FBXO16: variants seen among roughly 807,000 people sequenced by gnomAD.
FBXO16 encodes the protein F-box protein 16.
In FBXO16, 31 loss-of-function variants were observed where a neutral mutation model predicts 41.0. The observed-to-expected ratio is 0.76, with a 90% CI of 0.57 to 1.02. The LOEUF (loss-of-function observed/expected upper bound fraction) is 1.02, where lower values mean the gene tolerates loss of function less well. Ranked by LOEUF, FBXO16 falls within the 50% of genes least tolerant of loss-of-function variation. The pLI is 0.00. For synonymous variants in FBXO16, 133 were observed against 117.8 expected (o/e 1.13, Z -0.84); for missense variants, 361 against 346.2 (o/e 1.04, Z -0.34).
At chr8:28,488,545 C>T (rs1803639728) in intron 1 of FBXO16, among the ~76,000 whole-genome samples, 1 of 151,744 alleles carries the variant, frequency 6.6e-6, no homozygotes, top group Middle Eastern at 3.4e-3. Context: ...CTCAAGCAAT[C>T]CACCACCTCA....
chr8:28,485,972 G>A (rs931067790), intron 1 of FBXO16, among the ~76,000 whole-genome samples: 7 of 151,860 alleles, frequency 4.6e-5, no homozygotes, highest in African/African-American at 1.7e-4. Flanking sequence ...TCTGGGCATG[G>A]TGGCCCACCT....
At chr8:28,449,953 C>G (rs1367543031) in intron 6 of FBXO16, among the ~76,000 whole-genome samples, 1 of 122,972 alleles carries the variant, frequency 8.1e-6, no homozygotes, top group Non-Finnish European at 1.6e-5. Context: ...GCCTGGGTGA[C>G]AGAGCAAGAC....
intron 6 of FBXO16, among the ~76,000 whole-genome samples, chr8:28,448,647 G>A (rs1802904510): frequency 6.6e-6 from 1 of 152,172 alleles, no homozygotes; most frequent in South Asian, 2.1e-4. Flanking sequence ...ATATATCTGA[G>A]AGATAAAAAC....
intron 6 of FBXO16, among the ~76,000 whole-genome samples, chr8:28,451,847 C>A (rs956530691): frequency 1.3e-5 from 2 of 151,786 alleles, no homozygotes; most frequent in Non-Finnish European, 2.9e-5. Context: ...AGCTGGGCAT[C>A]GTGGCGGTCG....
chr8:28,469,405 C>T (rs2130172081), intron 3 of FBXO16, among the ~76,000 whole-genome samples: 1 of 152,212 alleles, frequency 6.6e-6, no homozygotes, highest in South Asian at 2.1e-4. Flanking sequence ...GATCATCGTG[C>T]ACTACAGCTT....
intron 2 of FBXO16, among the ~76,000 whole-genome samples, chr8:28,476,290 TTACCAGAAG>T (rs1194706364): frequency 6.6e-6 from 1 of 152,168 alleles, no homozygotes; most frequent in African/African-American, 2.4e-5. Context: ...GTCCAGCTCT[TTACCAGAAG>T]GCATCTAGAC....
intron 4 of FBXO16, among the ~76,000 whole-genome samples, chr8:28,459,623 AAATAATAATAATAATAATAATAAT>A (rs57120891): frequency 7.3e-6 from 1 of 137,884 alleles, no homozygotes; most frequent in East Asian, 2.1e-4. Context: ...CCTGTCTCAA[AAATAATAATAATAATAATAATAAT>A]AATAATAATA....
chr8:28,481,061 C>T (rs1158900927), intron 2 of FBXO16, among the ~76,000 whole-genome samples: 3 of 151,742 alleles, frequency 2.0e-5, no homozygotes, highest in East Asian at 1.9e-4. Context: ...TCGGGGGCCC[C>T]GAGCCGGGCC....
chr8:28,450,588 T>C (rs1220990584), intron 6 of FBXO16, among the ~76,000 whole-genome samples: 1 of 152,198 alleles, frequency 6.6e-6, no homozygotes, highest in East Asian at 1.9e-4. Context: ...CACTATCTCT[T>C]GATTTTTCTG....
intron 7 of FBXO16, among the ~76,000 whole-genome samples, chr8:28,446,367 T>C (rs1245116876): frequency 6.6e-6 from 1 of 151,112 alleles, no homozygotes; most frequent in Non-Finnish European, 1.5e-5. Context: ...GAGACAGGGT[T>C]CCGCCATGCT....
chr8:28,484,745 T>C (rs1437490931), intron 1 of FBXO16, among the ~76,000 whole-genome samples: 2 of 151,750 alleles, frequency 1.3e-5, no homozygotes, highest in Non-Finnish European at 2.9e-5. Context: ...GCGCCCGCCA[T>C]CACGCCCAGC....
At chr8:28,486,981 C>G (rs1803612923) in intron 1 of FBXO16, among the ~76,000 whole-genome samples, 1 of 152,082 alleles carries the variant, frequency 6.6e-6, no homozygotes, top group African/African-American at 2.4e-5. Context: ...CTTACCCCTG[C>G]TCTATGCTGA....
chr8:28,464,070 T>C (rs10112932), intron 3 of FBXO16, among the ~76,000 whole-genome samples: 7,679 of 152,154 alleles, frequency 0.05, 638 homozygotes, highest in African/African-American at 0.18. Context: ...ATGTGAACAA[T>C]AAATTGGGAG....
At chr8:28,440,251 C>T (rs918433591) in intron 7 of FBXO16, among the ~76,000 whole-genome samples, 5 of 152,148 alleles carry the variant, frequency 3.3e-5, no homozygotes, top group South Asian at 2.1e-4. Flanking sequence ...TACAGGCATG[C>T]GACACCACAC....
intron 1 of FBXO16, among the ~76,000 whole-genome samples, chr8:28,485,048 G>C (rs915826639): frequency 6.6e-6 from 1 of 152,126 alleles, no homozygotes; most frequent in Non-Finnish European, 1.5e-5. Context: ...AGGGTTGCAG[G>C]CTTCTGCATT....
intron 3 of FBXO16, among the ~76,000 whole-genome samples, chr8:28,470,263 T>G (rs1279782728): frequency 6.6e-6 from 1 of 152,138 alleles, no homozygotes; most frequent in Non-Finnish European, 1.5e-5. Context: ...TGTCCTGATA[T>G]GTAATGAACT....
chr8:28,443,842 G>T (rs953292842), intron 7 of FBXO16, among the ~76,000 whole-genome samples: 1 of 152,130 alleles, frequency 6.6e-6, no homozygotes, highest in Non-Finnish European at 1.5e-5. Flanking sequence ...GCTACACTCC[G>T]ATTACTGCCA....
rs555114603 is a variant in FBXO16 at position 28,458,211 on chromosome 8, CT to C, written c.343-1282del. On this transcript the variant is annotated intron_variant, in intron 4 of 8. Transcript: ENST00000380254. ...CACCTATTTTTCTATTACTCTCTGC[CT>C]CCCTCCTTCCACCCACCATTTATTG... Among the ~76,000 whole-genome samples the C allele has an allele frequency of 2.5e-3, 378 of 152,316 alleles. 4 individuals carry two copies. Among genetic ancestry groups the C allele is most frequent in the Non-Finnish European group, 4.0e-3 (271 of 68,040 alleles).
At chr8:28,441,908 ATATGTG>A (rs1257243086) in intron 7 of FBXO16, among the ~76,000 whole-genome samples, 11 of 115,384 alleles carry the variant, frequency 9.5e-5, no homozygotes, top group African/African-American at 4.9e-4. Flanking sequence ...GTGTATATAT[ATATGTG>A]TGTGTGTGTG....
Sources: allele counts gnomAD v4.1 joint callset (sites outside exome capture counted in the v4.1 genomes callset), GRCh38; gene constraint gnomAD v4.1.1; transcripts MANE v1.5; gene names NCBI Gene and HGNC (gene_info 2026-07-23, HGNC 2026-07-21).